Variants in FHIT observed in about 807,000 individuals in gnomAD.
The protein encoded by FHIT is bis(5'-adenosyl)-triphosphatase.
Under a neutral mutation model 17.9 loss-of-function variants are expected in FHIT, and 19 were observed. The ratio of observed to expected loss-of-function variants is 1.06; its 90% CI spans 0.74 to 1.56. The LOEUF is 1.56. Ranked by LOEUF, FHIT falls within the 40% of genes most tolerant of loss-of-function variation. FHIT has a pLI of 0.00. For missense variants in FHIT, 248 were observed against 189.2 expected, an observed-to-expected ratio of 1.31 and a Z score of -1.82; for synonymous variants, 81 against 69.7, an observed-to-expected ratio of 1.16 and a Z score of -0.81.
intron 8 of FHIT, among the ~76,000 whole-genome samples, chr3:59,773,155 T>A (rs2106841425): frequency 6.6e-6 from 1 of 152,332 alleles, no homozygotes; most frequent in Non-Finnish European, 1.5e-5. Flanking sequence ...AAGGCCCCTG[T>A]CTTCATTCTC....
intron 4 of FHIT, among the ~76,000 whole-genome samples, chr3:60,761,006 C>G (rs1204473226): frequency 5.9e-5 from 9 of 152,042 alleles, no homozygotes; most frequent in African/African-American, 9.7e-5. Context: ...AAATCTGAAG[C>G]CTTACTTTTA....
At chr3:59,855,689 G>C (rs903977262) in intron 8 of FHIT, among the ~76,000 whole-genome samples, 30 of 151,408 alleles carry the variant, frequency 2.0e-4, no homozygotes, top group Non-Finnish European at 5.9e-5. Flanking sequence ...ATAAATATGA[G>C]CACAAATTGA....
intron 5 of FHIT, among the ~76,000 whole-genome samples, chr3:60,203,653 CTTT>C (rs1703022582): frequency 6.6e-6 from 1 of 152,156 alleles, no homozygotes; most frequent in African/African-American, 2.4e-5. Flanking sequence ...TGGAACTGAT[CTTT>C]AAGAACACAA....
intron 5 of FHIT, among the ~76,000 whole-genome samples, chr3:60,394,253 G>T (rs781698179): frequency 2.0e-5 from 3 of 152,146 alleles, no homozygotes; most frequent in Non-Finnish European, 4.4e-5. Context: ...GAGTTTCTGA[G>T]ACATTCTCTA....
intron 5 of FHIT, among the ~76,000 whole-genome samples, chr3:60,187,515 T>C (rs551592754): frequency 6.6e-6 from 1 of 152,302 alleles, no homozygotes; most frequent in East Asian, 1.9e-4. Flanking sequence ...GAATATTTGA[T>C]CCTATCTTTG....
chr3:60,203,393 C>T (rs1227213678), intron 5 of FHIT, among the ~76,000 whole-genome samples: 1 of 152,000 alleles, frequency 6.6e-6, no homozygotes, highest in Non-Finnish European at 1.5e-5. Flanking sequence ...AATAAATATC[C>T]CTCAACAAAG....
At chr3:60,258,499 T>A (rs568863415) in intron 5 of FHIT, among the ~76,000 whole-genome samples, 33 of 152,166 alleles carry the variant, frequency 2.2e-4, no homozygotes, top group Non-Finnish European at 4.0e-4. Flanking sequence ...ATGGCATCCC[T>A]TCTTTGAAAA....
chr3:60,652,284 A>G (rs1311259165), intron 4 of FHIT, among the ~76,000 whole-genome samples: 2 of 152,192 alleles, frequency 1.3e-5, no homozygotes, highest in Non-Finnish European at 2.9e-5. Flanking sequence ...GGGGAGAACC[A>G]TCACAGTTAT....
At position 60,529,370 on chromosome 3, in the gene FHIT, A is replaced by G. The variant is rs377612509; in HGVS notation, c.103+7490T>C. ...TTGACTGTTGTAAAAAAATCCACGTATATGTACTCAGTAGATTTTAACAGT... is the reference window on the plus strand; with the variant it reads ...TTGACTGTTGTAAAAAAATCCACGTGTATGTACTCAGTAGATTTTAACAGT... On this transcript the variant is annotated intron_variant, in intron 5 of 9. Coordinates refer to ENST00000492590, the MANE Select transcript of FHIT (RefSeq NM_002012.4). Among the ~76,000 whole-genome samples, 16 of 152,334 alleles carry G rather than the reference A, an allele frequency of 1.1e-4. No individual in the cohort carries two copies. In the South Asian group the frequency reaches 2.7e-3, roughly 26 times the overall value.
intron 4 of FHIT, among the ~76,000 whole-genome samples, chr3:60,549,660 T>G (rs2036481803): frequency 6.6e-6 from 1 of 152,140 alleles, no homozygotes; most frequent in African/African-American, 2.4e-5. Context: ...TAATAAAAAT[T>G]TGTCATGACT....
At chr3:60,247,597 T>C (rs1253162139) in intron 5 of FHIT, among the ~76,000 whole-genome samples, 1 of 152,184 alleles carries the variant, frequency 6.6e-6, no homozygotes, top group Non-Finnish European at 1.5e-5. Context: ...AAGTTCATAA[T>C]AATCATATAC....
intron 8 of FHIT, among the ~76,000 whole-genome samples, chr3:59,915,855 C>T (rs946016720): frequency 7.9e-5 from 12 of 151,708 alleles, no homozygotes; most frequent in Admixed American, 2.6e-4. Context: ...TCACTTGAGA[C>T]CCGGGGTTTG....
intron 4 of FHIT, among the ~76,000 whole-genome samples, chr3:60,653,909 G>T (rs564985545): frequency 6.6e-6 from 1 of 152,264 alleles, no homozygotes; most frequent in South Asian, 2.1e-4. Context: ...TCTTCAAAAT[G>T]TAATCCCCGG....
chr3:60,717,612 G>A (rs1553707101), intron 4 of FHIT, among the ~76,000 whole-genome samples: 3 of 152,118 alleles, frequency 2.0e-5, no homozygotes, highest in Non-Finnish European at 1.5e-5. Flanking sequence ...ATTTGAGCTT[G>A]AAGTTTGCCT....
At chr3:61,036,664 C>T (rs1224887364) in intron 3 of FHIT, among the ~76,000 whole-genome samples, 11 of 152,010 alleles carry the variant, frequency 7.2e-5, no homozygotes, top group Non-Finnish European at 8.8e-5. Context: ...GCATTTCATC[C>T]AGAAGCTACA....
intron 3 of FHIT, among the ~76,000 whole-genome samples, chr3:60,875,644 G>A (rs986566043): frequency 1.3e-5 from 2 of 152,086 alleles, no homozygotes; most frequent in African/African-American, 4.8e-5. Flanking sequence ...GATAATAATG[G>A]TAAAATGATA....
intron 8 of FHIT, among the ~76,000 whole-genome samples, chr3:59,752,522 C>T (rs1353715948): frequency 6.6e-6 from 1 of 152,088 alleles, no homozygotes; most frequent in Non-Finnish European, 1.5e-5. Context: ...CATTTGCCAT[C>T]TTGTAATCAT....
intron 1 of FHIT, among the ~76,000 whole-genome samples, chr3:61,240,778 TTTCTAACCAGTGG>T (rs1459169415): frequency 6.6e-6 from 1 of 152,232 alleles, no homozygotes; most frequent in Non-Finnish European, 1.5e-5. Context: ...TTGGGATTGC[TTTCTAACCAGTGG>T]TTCTTGGCCC....
At chr3:60,231,715 G>C (rs1704504506) in intron 5 of FHIT, among the ~76,000 whole-genome samples, 1 of 152,146 alleles carries the variant, frequency 6.6e-6, no homozygotes, top group Non-Finnish European at 1.5e-5. Context: ...TATCAGTAAA[G>C]TATTATTATT....
Sources: gnomAD v4.1 joint callset for allele counts (sites outside exome capture counted in the v4.1 genomes callset) on GRCh38, gnomAD v4.1.1 for gene constraint, MANE v1.5 for transcripts, NCBI Gene and HGNC (gene_info 2026-07-23, HGNC 2026-07-21) for gene names.